The following CATSPERD variants were observed in gnomAD, a reference collection of about 807,000 sequenced individuals.
CATSPERD encodes cation channel sperm-associated auxiliary subunit delta.
In CATSPERD, 86 loss-of-function variants were observed where a neutral mutation model predicts 98.1. That is an observed-to-expected ratio of 0.88 (90% CI 0.74 to 1.05). CATSPERD has a LOEUF of 1.05. CATSPERD is among the 50% of genes least tolerant of loss of function. The probability of loss-of-function intolerance (pLI) is 0.00; values close to 1 mark genes in which losing one functional copy is unlikely to be tolerated. For synonymous variants in CATSPERD, 394 were observed against 390.2 expected, an observed-to-expected ratio of 1.01 and a Z score of -0.12; for missense variants, 995 against 1,005.7, an observed-to-expected ratio of 0.99 and a Z score of 0.14.
chr19:5,745,939 C>A lies in CATSPERD; in HGVS notation c.684C>A (p.Pro228=), dbSNP rs1209694424. 38 of 1,613,994 alleles carry A rather than the reference C, an allele frequency of 2.4e-5. No individual in the cohort carries two copies. The highest frequency in any genetic ancestry group is 3.1e-5 in the Non-Finnish European group (37 of 1,180,018). The stretch of plus-strand genomic sequence containing the variant: ...GCATGTTCAAGTACTCAGATCACCC[C>A]CTCAACCGGAGTTTCGGGCTGTCTT... ...GKGMFKYSDH[P]LNRSFGLSFD... The change falls in exon 9 of 22, where the codon CCC becomes CCA. Residue 228 remains proline (P), a synonymous_variant. Transcript: ENST00000381624.
chr19:5,770,799 G>T (rs2056629248), intron 18 of CATSPERD, 145 bp from the exon 19 acceptor site: 9 of 918,288 alleles, frequency 9.8e-6, no homozygotes, highest in Admixed American at 2.5e-5. Context: ...CTGGTCCATG[G>T]CTCTCAATCG....
In CATSPERD at chr19:5,766,024, T is replaced by G; in HGVS notation, c.1507-79T>G. On this transcript the variant is annotated intron_variant, in intron 16 of 21. Transcript: ENST00000381624. ...GGTTTCCAAACCATTCCCACAGGAGTGTGTCCCTGTATAGGGTTCACTGTG... is the reference window on the plus strand; with the variant it reads ...GGTTTCCAAACCATTCCCACAGGAGGGTGTCCCTGTATAGGGTTCACTGTG... The G allele has an allele frequency of 5.7e-6, 6 of 1,044,030 alleles. No individual in the cohort carries two copies. In the South Asian group the frequency reaches 9.1e-5, roughly 16 times the overall value. The allele number at this position is 1,044,030 out of a possible 1,614,324, so 64.7% of individuals were successfully genotyped here.
At chr19:5,738,352 C>CAAAAAAAAA (rs767298084) in intron 6 of CATSPERD, among the ~76,000 whole-genome samples, 19 of 104,894 alleles carry the variant, frequency 1.8e-4, no homozygotes, top group East Asian at 3.5e-4. Context: ...ACTCAAAATA[C>CAAAAAAAAA]AAAAAAAAAA....
In CATSPERD at chr19:5,772,214, A is replaced by ATTTTTTTTT. The variant is rs35847357; in HGVS notation, c.1764-551_1764-543dup. 43 of 154,446 alleles carry ATTTTTTTTT rather than the reference A, an allele frequency of 2.8e-4. 3 individuals are homozygous for ATTTTTTTTT. The highest frequency in any genetic ancestry group is 3.3e-4 in the Admixed American group (3 of 9,166). The allele number at this position is 154,446 out of a possible 1,614,324, so 9.6% of individuals were successfully genotyped here. The stretch of plus-strand genomic sequence containing the variant: ...AGTTGCATACCACAATGCCCGGTTA[A>ATTTTTTTTT]TTTTTTTTTTTTTTTTTTTTTTTTT... On this transcript the variant is annotated intron_variant, in intron 19 of 21. Transcript: ENST00000381624.
At chr19:5,731,637 G>C (rs1041786904) in intron 4 of CATSPERD, among the ~76,000 whole-genome samples, 4 of 127,702 alleles carry the variant, frequency 3.1e-5, no homozygotes, top group Non-Finnish European at 6.3e-5. Flanking sequence ...CTGCAGTGGC[G>C]CAATCTCGGC....
chr19:5,768,176 C>A lies in CATSPERD; in HGVS notation c.1568C>A (p.Ser523Tyr). 6.2e-7 allele frequency: 1 copy of A among 1,613,604 alleles called. No individual in the cohort carries two copies. The highest frequency in any genetic ancestry group is 8.5e-7 in the Non-Finnish European group (1 of 1,179,678). The change falls in exon 18 of 22, where the codon TCC becomes TAC. Residue 523 changes from serine to tyrosine, a missense_variant. Ser to Tyr is a moderately radical substitution (Grantham distance 144, BLOSUM62 -2). Transcript: ENST00000381624. ...TCCACTTTTGCTTGCAGCAAAGTTT[C>A]CGCCTGTTCCATGGGCATCCTGGAC... is the stretch of plus-strand genomic sequence containing the variant. Reference protein sequence around the residue: ...DKKIVIQNKVSACSMGILDPL... With the variant: ...DKKIVIQNKVYACSMGILDPL...
intron 14 of CATSPERD, among the ~76,000 whole-genome samples, chr19:5,758,634 T>A (rs1255732125): frequency 6.8e-6 from 1 of 147,690 alleles, no homozygotes; most frequent in East Asian, 2.0e-4. Flanking sequence ...TCCCAGCTAC[T>A]CGGGAGGCTG....
intron 20 of CATSPERD, among the ~76,000 whole-genome samples, 200 bp from the exon 21 acceptor site, chr19:5,775,961 A>G (rs551492025): frequency 5.9e-5 from 9 of 152,210 alleles, no homozygotes; most frequent in African/African-American, 2.2e-4. Flanking sequence ...GGCAGGTGAG[A>G]TGGAGGCTGA....
intron 7 of CATSPERD, among the ~76,000 whole-genome samples, chr19:5,742,148 G>T (rs1034703491): frequency 1.9e-5 from 2 of 106,092 alleles, no homozygotes; most frequent in African/African-American, 6.1e-5. Flanking sequence ...GCGTGTGTAC[G>T]TGTGTGAACG....
chr19:5,729,994 G>A (rs750362056), intron 4 of CATSPERD, 50 bp downstream of exon 4: 1 of 1,084,814 alleles, frequency 9.2e-7, no homozygotes, highest in Non-Finnish European at 1.4e-6. Flanking sequence ...AGTAATATTT[G>A]GGGGAAAATA....
chr19:5,724,711 A>G (rs2055570306), intron 1 of CATSPERD, 97 bp from the exon 2 acceptor site: 3 of 1,261,286 alleles, frequency 2.4e-6, no homozygotes, highest in Middle Eastern at 3.8e-4. Context: ...CCAAAAAAGA[A>G]CAGATACTTT....
intron 20 of CATSPERD, 41 bp from the exon 21 acceptor site, chr19:5,776,120 C>G: frequency 6.2e-7 from 1 of 1,601,224 alleles, no homozygotes; most frequent in South Asian, 1.1e-5. Flanking sequence ...GGCCCCCTCC[C>G]CAGTCCCTAG....
At chr19:5,772,502 C>T (rs371983834) in intron 19 of CATSPERD, 72 of 347,428 alleles carry the variant, frequency 2.1e-4, no homozygotes, top group African/African-American at 1.3e-3. Flanking sequence ...GCTGAGATTA[C>T]GGGCGTGAGC....
intron 9 of CATSPERD, among the ~76,000 whole-genome samples, chr19:5,747,215 G>A (rs1464944645): frequency 1.6e-5 from 2 of 122,134 alleles, no homozygotes; most frequent in African/African-American, 3.3e-5. Context: ...CTCTGTCATC[G>A]AGACTGGAGT....
chr19:5,730,762 C>G (rs1028554792), intron 4 of CATSPERD, among the ~76,000 whole-genome samples: 3 of 151,942 alleles, frequency 2.0e-5, no homozygotes, highest in Non-Finnish European at 2.9e-5. Context: ...CCTGTAATCC[C>G]AGCACTTTGG....
chr19:5,768,344 A>ATTTATTTATTTT (rs372798666), intron 18 of CATSPERD, 102 bp downstream of exon 18: 1 of 686,462 alleles, frequency 1.5e-6, no homozygotes, highest in African/African-American at 2.3e-5. Context: ...TTATTTATTT[A>ATTTATTTATTTT]TTATTATTAT....
At chr19:5,777,368 T>C (rs1389660040) in intron 21 of CATSPERD, among the ~76,000 whole-genome samples, 2 of 152,138 alleles carry the variant, frequency 1.3e-5, no homozygotes, top group Admixed American at 6.6e-5. Context: ...CTGCATCACG[T>C]GACCTGCACT....
At position 5,731,575 on chromosome 19, in the gene CATSPERD, T is replaced by TTTTTTTG. The variant is rs2055722638; in HGVS notation, c.276+1637_276+1638insGTTTTTT. Among the ~76,000 whole-genome samples the TTTTTTTG allele has an allele frequency of 1.6e-5, 2 of 125,460 alleles. 1 individual carries two copies. The highest frequency in any genetic ancestry group is 3.4e-5 in the Non-Finnish European group (2 of 58,644). 82.3% of individuals were successfully genotyped at this position (125,460 alleles called of 152,430 possible). On this transcript the variant is annotated intron_variant, in intron 4 of 21. Coordinates refer to ENST00000381624, the MANE Select transcript of CATSPERD (RefSeq NM_152784.4). ...ACACTTAACAGTTTTTTTTTTTTTT[T>TTTTTTTG]TTTTTTTTTTTGAGACGGAGTCTCG...
intron 18 of CATSPERD, 103 bp from the exon 19 acceptor site, chr19:5,770,841 A>G (rs1331178983): frequency 7.1e-7 from 1 of 1,405,212 alleles, no homozygotes; most frequent in African/African-American, 1.4e-5. Context: ...TGCCACTCTC[A>G]TGGACGATCC....
Sources: allele counts gnomAD v4.1 joint callset (sites outside exome capture counted in the v4.1 genomes callset), GRCh38; gene constraint gnomAD v4.1.1; transcripts MANE v1.5; gene names NCBI Gene and HGNC (gene_info 2026-07-23, HGNC 2026-07-21).